The following SBF2 variants were observed in gnomAD, a reference collection of about 807,000 sequenced individuals.
SBF2 encodes the protein SET binding factor 2.
A neutral mutation model predicts 225.2 loss-of-function variants in SBF2; 112 were observed. That is an observed-to-expected ratio of 0.50 (90% CI 0.43 to 0.58). SBF2 has a LOEUF of 0.58. SBF2 is among the 20% of genes least tolerant of loss of function. The pLI, the probability that SBF2 is intolerant of heterozygous loss-of-function variation, is 0.00. For missense variants in SBF2, 1,996 were observed against 2,206.2 expected, an observed-to-expected ratio of 0.90 and a Z score of 1.91; for synonymous variants, 763 against 773.3, an observed-to-expected ratio of 0.99 and a Z score of 0.22.
intron 2 of SBF2, among the ~76,000 whole-genome samples, chr11:10,107,346 A>G (rs1481389459): frequency 2.0e-5 from 3 of 152,240 alleles, no homozygotes; most frequent in Non-Finnish European, 4.4e-5. Context: ...TGAATTATTA[A>G]TCAATGCAAT....
chr11:9,925,556 G>A (rs531806240), intron 16 of SBF2, among the ~76,000 whole-genome samples: 144 of 152,196 alleles, frequency 9.5e-4, no homozygotes, highest in Admixed American at 3.6e-3. Flanking sequence ...GATTATAGGC[G>A]TGAGCCACCG....
intron 1 of SBF2, among the ~76,000 whole-genome samples, chr11:10,255,022 T>C (rs929940933): frequency 1.2e-4 from 18 of 149,374 alleles, no homozygotes; most frequent in Admixed American, 8.7e-4. Context: ...ATCTCACTTA[T>C]ACATGGAATC....
At chr11:10,150,668 T>C (rs182665667) in intron 2 of SBF2, among the ~76,000 whole-genome samples, 176 of 152,294 alleles carry the variant, frequency 1.2e-3, no homozygotes, top group Non-Finnish European at 2.1e-3. Context: ...GAAAACTCTT[T>C]ATCGACAAAT....
intron 26 of SBF2, among the ~76,000 whole-genome samples, chr11:9,837,306 T>A (rs1855789878): frequency 6.6e-6 from 1 of 152,248 alleles, no homozygotes; most frequent in Non-Finnish European, 1.5e-5. Context: ...TCATGGGAGC[T>A]CATTCTTACT....
chr11:10,055,745 T>C (rs1185826498), intron 2 of SBF2, among the ~76,000 whole-genome samples: 1 of 152,144 alleles, frequency 6.6e-6, no homozygotes. Flanking sequence ...CATACAGTGG[T>C]ATAACGGACA....
chr11:9,956,796 AC>A (rs1374656734), intron 16 of SBF2: 2 of 152,178 alleles, frequency 1.3e-5, no homozygotes, highest in East Asian at 3.9e-4. Flanking sequence ...GTTTCTTATT[AC>A]AAAAGAAAAA....
intron 16 of SBF2, among the ~76,000 whole-genome samples, chr11:9,899,305 G>A (rs2134146017): frequency 6.7e-6 from 1 of 149,182 alleles, no homozygotes; most frequent in East Asian, 2.0e-4. Flanking sequence ...ATCAGCCTGG[G>A]CAATATAGGG....
chr11:10,297,273 T>C (rs1262013755), upstream of SBF2, among the ~76,000 whole-genome samples: 1 of 152,124 alleles, frequency 6.6e-6, no homozygotes, highest in Non-Finnish European at 1.5e-5. Flanking sequence ...TTGCCCAGGC[T>C]GGTCTTAACC....
intron 32 of SBF2, among the ~76,000 whole-genome samples, chr11:9,807,152 T>C (rs1853900294): frequency 6.6e-6 from 1 of 152,146 alleles, no homozygotes; most frequent in African/African-American, 2.4e-5. Context: ...AACCCTGGGA[T>C]TGTGGTCAAA....
At chr11:9,989,694 C>T (rs1049866992) in intron 12 of SBF2, 99 bp from the exon 13 acceptor site, 1 of 725,346 alleles carries the variant, frequency 1.4e-6, no homozygotes, top group Non-Finnish European at 2.3e-6. Flanking sequence ...AAAAATCCAA[C>T]ATATACATTA....
intron 1 of SBF2, among the ~76,000 whole-genome samples, chr11:10,194,292 C>A (rs568811908): frequency 4.7e-4 from 71 of 152,142 alleles, no homozygotes; most frequent in Non-Finnish European, 7.9e-4. Flanking sequence ...TACAGTATAA[C>A]AAATATTTCC....
intron 2 of SBF2, among the ~76,000 whole-genome samples, chr11:10,177,221 A>C (rs1336098745): frequency 7.9e-5 from 12 of 151,940 alleles, no homozygotes; most frequent in East Asian, 1.9e-4. Context: ...TATGACAAAC[A>C]CACAGCCAAT....
chr11:10,294,803 G>C (rs1369312543), upstream of SBF2, among the ~76,000 whole-genome samples: 1 of 152,248 alleles, frequency 6.6e-6, no homozygotes, highest in Non-Finnish European at 1.5e-5. Flanking sequence ...GGGAGAGCCA[G>C]ATTCCACCGA....
chr11:10,025,208 T>C (rs918144528), intron 6 of SBF2, among the ~76,000 whole-genome samples: 4 of 152,140 alleles, frequency 2.6e-5, no homozygotes, highest in Admixed American at 6.5e-5. Context: ...GGATATACTT[T>C]TACTTCTATG....
intron 1 of SBF2, among the ~76,000 whole-genome samples, chr11:10,254,082 T>C (rs984692291): frequency 6.6e-6 from 1 of 151,958 alleles, no homozygotes; most frequent in Non-Finnish European, 1.5e-5. Context: ...AGTACGGAGG[T>C]TGCTCAAACA....
At chr11:9,965,297 CTTT>C (rs34056394) in intron 14 of SBF2, among the ~76,000 whole-genome samples, 6 of 128,824 alleles carry the variant, frequency 4.7e-5, no homozygotes, top group African/African-American at 2.9e-5. Flanking sequence ...ATGTTTTAAA[CTTT>C]TTTTTTTTTT....
chr11:10,200,355 A>G (rs986431369), intron 1 of SBF2, among the ~76,000 whole-genome samples: 5 of 152,214 alleles, frequency 3.3e-5, no homozygotes, highest in African/African-American at 1.2e-4. Context: ...CAGCACTCCA[A>G]CCTGAACATA....
At chr11:10,048,506 A>G (rs893178027) in intron 2 of SBF2, among the ~76,000 whole-genome samples, 1 of 152,190 alleles carries the variant, frequency 6.6e-6, no homozygotes, top group Admixed American at 6.5e-5. Context: ...GCCCTTGATG[A>G]GGCAATAAAC....
chr11:9,913,048 C>G (rs373950665), intron 16 of SBF2, among the ~76,000 whole-genome samples: 100 of 152,248 alleles, frequency 6.6e-4, no homozygotes, highest in African/African-American at 2.3e-3. Context: ...TTTTGGGAGG[C>G]TGACAGGGGT....
Sources: gnomAD v4.1 joint callset for allele counts (sites outside exome capture counted in the v4.1 genomes callset) on GRCh38, gnomAD v4.1.1 for gene constraint, MANE v1.5 for transcripts, NCBI Gene and HGNC (gene_info 2026-07-23, HGNC 2026-07-21) for gene names.